The following PCDH7 variants were observed in gnomAD, a reference collection of about 807,000 sequenced individuals.
PCDH7 encodes protocadherin 7, also known as protocadherin-7.
In PCDH7, 17 loss-of-function variants were observed where a neutral mutation model predicts 58.9. The ratio of observed to expected loss-of-function variants is 0.29; its 90% CI spans 0.20 to 0.43. PCDH7 has a LOEUF of 0.43. Ranked by LOEUF, PCDH7 falls within the 20% of genes least tolerant of loss-of-function variation. The pLI, the probability that PCDH7 is intolerant of heterozygous loss-of-function variation, is 1.00. For synonymous variants in PCDH7, 664 were observed against 616.4 expected (o/e 1.08, Z -1.14); for missense variants, 1,274 against 1,441.0 (o/e 0.88, Z 1.88).
intron 2 of PCDH7, chr4:30,935,378 A>G (rs946041075): frequency 2.1e-6 from 2 of 954,058 alleles, no homozygotes; most frequent in South Asian, 4.8e-5. Context: ...TGAATTCGCT[A>G]TTGGTTTCCA....
intron 1 of PCDH7, among the ~76,000 whole-genome samples, chr4:30,762,502 T>C (rs898300121): frequency 6.4e-3 from 18 of 2,818 alleles, no homozygotes; most frequent in Admixed American, 0.045. Flanking sequence ...CCTGAACTCA[T>C]GATATGAAAT....
intron 1 of PCDH7, among the ~76,000 whole-genome samples, chr4:30,843,693 A>T (rs919698586): frequency 4.6e-5 from 7 of 152,036 alleles, no homozygotes; most frequent in Admixed American, 2.0e-4. Context: ...CTCTTGCACT[A>T]CCTAGATTTT....
intron 3 of PCDH7, among the ~76,000 whole-genome samples, chr4:31,139,148 A>G (rs983013260): frequency 3.3e-5 from 5 of 152,128 alleles, no homozygotes; most frequent in Non-Finnish European, 7.4e-5. Context: ...GATTTGATGG[A>G]TACCATTTTT....
chr4:31,012,762 A>G (rs1488513256), intron 3 of PCDH7, among the ~76,000 whole-genome samples: 1 of 150,638 alleles, frequency 6.6e-6, no homozygotes, highest in East Asian at 2.2e-4. Context: ...CCAGCACTTT[A>G]GGAAGCCTAG....
intron 1 of PCDH7, among the ~76,000 whole-genome samples, chr4:30,837,899 TTATATA>T (rs5857206): frequency 2.1e-5 from 3 of 146,142 alleles, no homozygotes; most frequent in East Asian, 2.0e-4. Context: ...TATGTATATT[TTATATA>T]TATATATATA....
chr4:30,888,397 G>A (rs566747152), intron 1 of PCDH7, among the ~76,000 whole-genome samples: 113 of 152,218 alleles, frequency 7.4e-4, no homozygotes, highest in African/African-American at 2.6e-3. Flanking sequence ...GTGAGATTAT[G>A]CAAAACATTT....
intron 1 of PCDH7, among the ~76,000 whole-genome samples, chr4:30,914,983 C>A (rs548819490): frequency 6.6e-5 from 10 of 152,278 alleles, no homozygotes; most frequent in African/African-American, 2.4e-4. Flanking sequence ...TAAAATTCCT[C>A]AAAATATTTT....
chr4:30,881,135 T>C (rs1429048612), intron 1 of PCDH7, among the ~76,000 whole-genome samples: 2 of 152,058 alleles, frequency 1.3e-5, no homozygotes, highest in Non-Finnish European at 2.9e-5. Flanking sequence ...GACCAATCAC[T>C]CTGGCAAGGT....
chr4:30,780,231 C>T (rs888765702), intron 1 of PCDH7, among the ~76,000 whole-genome samples: 2 of 152,014 alleles, frequency 1.3e-5, no homozygotes, highest in South Asian at 2.1e-4. Flanking sequence ...TCTGGCCAGG[C>T]GGGGTGGCTG....
chr4:31,105,474 C>T (rs977781481), intron 3 of PCDH7, among the ~76,000 whole-genome samples: 4 of 152,054 alleles, frequency 2.6e-5, no homozygotes, highest in Non-Finnish European at 4.4e-5. Context: ...GAGAAACTCC[C>T]TGAATGGGAT....
At chr4:30,731,062 T>C in exon 2 of PCDH7, 1 of 1,157,738 alleles carries the variant, frequency 8.6e-7, no homozygotes. Flanking sequence ...GGTTAGCACC[T>C]ATTAGACGTA....
chr4:30,727,417 A>G (rs1005911938), intron 1 of PCDH7, among the ~76,000 whole-genome samples: 3 of 151,964 alleles, frequency 2.0e-5, no homozygotes, highest in Non-Finnish European at 4.4e-5. Context: ...GAGCCATTCA[A>G]ATCAAGCTTC....
At chr4:31,030,033 C>A (rs572518430) in intron 3 of PCDH7, among the ~76,000 whole-genome samples, 1 of 152,144 alleles carries the variant, frequency 6.6e-6, no homozygotes, top group Non-Finnish European at 1.5e-5. Flanking sequence ...CTCAAAAGAC[C>A]CAATGCAGGG....
At chr4:30,794,805 A>T (rs1330283947) in intron 1 of PCDH7, among the ~76,000 whole-genome samples, 1 of 152,128 alleles carries the variant, frequency 6.6e-6, no homozygotes, top group African/African-American at 2.4e-5. Flanking sequence ...GTGATAAAAA[A>T]ATCCAATAGA....
At chr4:30,734,201 C>T (rs993462776), downstream of PCDH7, among the ~76,000 whole-genome samples, 4 of 151,716 alleles carry the variant, frequency 2.6e-5, no homozygotes, top group Non-Finnish European at 5.9e-5. Flanking sequence ...CTTTTTTAAT[C>T]CATTCATTTT....
At chr4:31,000,327 A>G (rs1752258987) in intron 3 of PCDH7, among the ~76,000 whole-genome samples, 2 of 152,132 alleles carry the variant, frequency 1.3e-5, no homozygotes, top group South Asian at 4.1e-4. Context: ...GAACAAAGTT[A>G]CTCTCGCTAT....
At chr4:30,766,012 A>T (rs1720692532) in intron 1 of PCDH7, among the ~76,000 whole-genome samples, 1 of 151,940 alleles carries the variant, frequency 6.6e-6, no homozygotes, top group Non-Finnish European at 1.5e-5. Context: ...AGGGAACCAA[A>T]TGTGACGCCT....
Position 30,842,998 on chromosome 4 carries a change from C to T in PCDH7, c.71-77155C>T, listed in dbSNP as rs56225297. Among the ~76,000 whole-genome samples the T allele has an allele frequency of 7.6e-3, 1,159 of 151,668 alleles. 7 individuals carry two copies. Among genetic ancestry groups the T allele is most frequent in the Non-Finnish European group, 0.012 (812 of 67,972 alleles). On this transcript the variant is annotated intron_variant, in intron 1 of 3. Coordinates refer to the PCDH7 transcript ENST00000509759. ...AAACAGCGTCTGTCTTATGCAATGC[C>T]GCAACCCTAGCAATTACTACCGGCA...
At chr4:30,930,592 A>T (rs1420973874) in intron 2 of PCDH7, among the ~76,000 whole-genome samples, 1 of 152,150 alleles carries the variant, frequency 6.6e-6, no homozygotes, top group African/African-American at 2.4e-5. Flanking sequence ...ATATAAGAGA[A>T]TAAGGGAGAA....
Sources: allele counts gnomAD v4.1 joint callset (sites outside exome capture counted in the v4.1 genomes callset), GRCh38; gene constraint gnomAD v4.1.1; transcripts MANE v1.5; gene names NCBI Gene and HGNC (gene_info 2026-07-23, HGNC 2026-07-21).